The following CAMK2A variants were observed in gnomAD, a reference collection of about 807,000 sequenced individuals.
CAMK2A encodes calcium/calmodulin dependent protein kinase II alpha, also known as calcium/calmodulin-dependent protein kinase type II subunit alpha.
In CAMK2A, 7 loss-of-function variants were observed where a neutral mutation model predicts 79.2. The observed-to-expected ratio is 0.09, with a 90% CI of 0.05 to 0.17. CAMK2A has a LOEUF of 0.17. CAMK2A is among the 10% of genes least tolerant of loss of function. The pLI, the probability that CAMK2A is intolerant of heterozygous loss-of-function variation, is 1.00. For missense variants in CAMK2A, 214 were observed against 646.4 expected, an observed-to-expected ratio of 0.33 and a Z score of 7.25; for synonymous variants, 242 against 251.7, an observed-to-expected ratio of 0.96 and a Z score of 0.36.
At chr5:150,261,821 C>T (rs1415649163) in intron 3 of CAMK2A, among the ~76,000 whole-genome samples, 1 of 152,196 alleles carries the variant, frequency 6.6e-6, no homozygotes, top group Non-Finnish European at 1.5e-5. Flanking sequence ...AACAGTAATG[C>T]TAATACCACT....
intron 15 of CAMK2A, among the ~76,000 whole-genome samples, chr5:150,237,779 G>A (rs1301963145): frequency 3.3e-5 from 5 of 152,172 alleles, no homozygotes; most frequent in Non-Finnish European, 5.9e-5. Flanking sequence ...TGCTGAGACC[G>A]GGGCTAGCAC....
chr5:150,255,813 T>A (rs72839207), intron 6 of CAMK2A, among the ~76,000 whole-genome samples: 1 of 152,136 alleles, frequency 6.6e-6, no homozygotes, highest in African/African-American at 2.4e-5. Context: ...AAGGCCAGAA[T>A]TCCCCCGCCC....
At position 150,284,400 on chromosome 5, in the gene CAMK2A, C is replaced by T. The variant is rs1217187591; in HGVS notation, c.62+5164G>A. The stretch of plus-strand genomic sequence containing the variant: ...GCAACAGGATGCGAGTGTTGCACTC[C>T]GAGGCTCTGCCCTCACCCCACAGAG... On this transcript the variant is annotated intron_variant, in intron 1 of 18. Transcript: ENST00000671881. The surrounding 1 kb of genome is among the most constrained non-coding windows in gnomAD (Gnocchi z 5.3). Among the ~76,000 whole-genome samples the T allele has an allele frequency of 6.6e-6, 1 of 151,804 alleles. No homozygotes were observed. The highest frequency in any genetic ancestry group is 2.4e-5 in the African/African-American group (1 of 41,316).
chr5:150,238,949 G>T (rs1031920877), intron 14 of CAMK2A, among the ~76,000 whole-genome samples: 1 of 152,184 alleles, frequency 6.6e-6, no homozygotes, highest in Admixed American at 6.5e-5. Flanking sequence ...GGGGCCGGGT[G>T]GGGGAAAGGG....
intron 1 of CAMK2A, among the ~76,000 whole-genome samples, chr5:150,286,950 C>T (rs940119144): frequency 3.9e-5 from 6 of 152,230 alleles, no homozygotes; most frequent in Admixed American, 3.9e-4. Context: ...TCATTGAATG[C>T]TCACAGCCCT....
At chr5:150,261,744 C>G (rs1756314139) in intron 3 of CAMK2A, among the ~76,000 whole-genome samples, 2 of 152,140 alleles carry the variant, frequency 1.3e-5, no homozygotes, top group Non-Finnish European at 2.9e-5. Context: ...GTTCGTCTCC[C>G]AGATCCACCT....
chr5:150,221,864 A>G lies in CAMK2A; in HGVS notation c.*846T>C, dbSNP rs896191464. On this transcript the variant is annotated 3_prime_UTR_variant, in exon 19 of 19. Transcript: ENST00000671881. ...TGAGAAGTCTAGTTATTACATAAATATCCATTAACGCGAAATCCATTTACG... is the reference window on the plus strand; with the variant it reads ...TGAGAAGTCTAGTTATTACATAAATGTCCATTAACGCGAAATCCATTTACG... 5.5e-6 allele frequency: 2 copies of G among 363,396 alleles called. No individual in the cohort carries two copies. The highest frequency in any genetic ancestry group is 9.8e-6 in the Non-Finnish European group (2 of 204,880). The allele number at this position is 363,396 out of a possible 1,614,324, so 22.5% of individuals were successfully genotyped here.
At chr5:150,235,994 A>G (rs1377936687) in intron 15 of CAMK2A, among the ~76,000 whole-genome samples, 1 of 152,102 alleles carries the variant, frequency 6.6e-6, no homozygotes, top group Non-Finnish European at 1.5e-5. Flanking sequence ...CTGAGGCAGG[A>G]AACAGGGTCC....
At chr5:150,287,460 C>T (rs1757470713) in intron 1 of CAMK2A, among the ~76,000 whole-genome samples, 1 of 152,180 alleles carries the variant, frequency 6.6e-6, no homozygotes, top group South Asian at 2.1e-4. Flanking sequence ...GGTTTTCCTG[C>T]CATGGCCACA....
intron 15 of CAMK2A, among the ~76,000 whole-genome samples, chr5:150,236,941 A>C (rs1317869793): frequency 6.6e-6 from 1 of 152,096 alleles, no homozygotes; most frequent in African/African-American, 2.4e-5. Context: ...TGTAGTGGCT[A>C]TTCACAGACA....
Position 150,276,657 on chromosome 5 carries a change from C to T in CAMK2A, c.63-3498G>A, listed in dbSNP as rs959673590. 3.3e-5 allele frequency among the ~76,000 whole-genome samples: 5 copies of T among 152,210 alleles called. No homozygotes were observed. The East Asian group carries it at 9.7e-4, about 29-fold the overall frequency. ...ACATCTGGGCAAGGTTCTGAGAACT[C>T]CAGGAAGAGAAGGGCAGGAAGCAGG... On this transcript the variant is annotated intron_variant, in intron 1 of 18. Coordinates refer to ENST00000671881, the MANE Select transcript of CAMK2A (RefSeq NM_015981.4).
intron 11 of CAMK2A, among the ~76,000 whole-genome samples, chr5:150,249,182 C>G (rs373745104): frequency 7.9e-5 from 12 of 152,254 alleles, no homozygotes; most frequent in African/African-American, 2.7e-4. Context: ...CTCATCATCC[C>G]CAGCGTGCTG....
At chr5:150,263,264 TGA>T (rs1490321960) in intron 3 of CAMK2A, among the ~76,000 whole-genome samples, 1 of 152,130 alleles carries the variant, frequency 6.6e-6, no homozygotes, top group Non-Finnish European at 1.5e-5. Flanking sequence ...TAGCTGGGAA[TGA>T]GAGGGAGAGG....
intron 1 of CAMK2A, among the ~76,000 whole-genome samples, chr5:150,274,229 C>G (rs1756864425): frequency 6.6e-6 from 1 of 152,188 alleles, no homozygotes; most frequent in Non-Finnish European, 1.5e-5. Context: ...TATCCTCAAA[C>G]TATTAGTAAT....
chr5:150,224,215 A>C (rs546515916), intron 17 of CAMK2A, among the ~76,000 whole-genome samples: 1 of 152,320 alleles, frequency 6.6e-6, no homozygotes, highest in East Asian at 1.9e-4. Flanking sequence ...AGGAAATGAA[A>C]GCATAGAAAG....
intron 12 of CAMK2A, 197 bp from the exon 13 acceptor site, chr5:150,245,398 G>C: frequency 1.7e-6 from 1 of 604,084 alleles, no homozygotes; most frequent in East Asian, 2.9e-5. Context: ...CCCAGGGACT[G>C]CCTGGGTTCC....
intron 17 of CAMK2A, among the ~76,000 whole-genome samples, 179 bp downstream of exon 17, chr5:150,228,013 T>G (rs1754677443): frequency 6.6e-6 from 1 of 152,040 alleles, no homozygotes; most frequent in Non-Finnish European, 1.5e-5. Context: ...AGCTGGTAGT[T>G]GATGGGCCAG....
chr5:150,246,106 G>A (rs1429757075), intron 12 of CAMK2A, among the ~76,000 whole-genome samples: 1 of 152,232 alleles, frequency 6.6e-6, no homozygotes, highest in Non-Finnish European at 1.5e-5. Flanking sequence ...GGCCTTGAGA[G>A]GGGGAGTTGG....
intron 17 of CAMK2A, among the ~76,000 whole-genome samples, chr5:150,225,684 G>C (rs1053897510): frequency 1.3e-5 from 2 of 152,102 alleles, no homozygotes; most frequent in African/African-American, 4.8e-5. Context: ...GGAGCTCCAG[G>C]GTGATAGGGA....
Sources: gnomAD v4.1 joint callset for allele counts (sites outside exome capture counted in the v4.1 genomes callset) on GRCh38, gnomAD v4.1.1 for gene constraint, Gnocchi (gnomAD v3.1) non-coding constraint, MANE v1.5 for transcripts, NCBI Gene and HGNC (gene_info 2026-07-23, HGNC 2026-07-21) for gene names.